LNPK: variants seen among roughly 807,000 people sequenced by gnomAD.
LNPK encodes endoplasmic reticulum junction formation protein lunapark.
A neutral mutation model predicts 55.2 loss-of-function variants in LNPK; 29 were observed. That is an observed-to-expected ratio of 0.53 (90% CI 0.39 to 0.72). The LOEUF is 0.72. Among genes scored for constraint, LNPK ranks in the 30% least tolerant of loss-of-function variants. The pLI, the probability that LNPK is intolerant of heterozygous loss-of-function variation, is 0.00. For synonymous variants in LNPK, 162 were observed against 168.2 expected, an observed-to-expected ratio of 0.96 and a Z score of 0.29; for missense variants, 467 against 494.8, an observed-to-expected ratio of 0.94 and a Z score of 0.53.
chr2:175,957,277 G>C (rs1270974993), intron 8 of LNPK, among the ~76,000 whole-genome samples: 1 of 151,886 alleles, frequency 6.6e-6, no homozygotes, highest in Non-Finnish European at 1.5e-5. Context: ...AGAATCACTT[G>C]AACCTTGGAG....
chr2:175,987,564 C>A (rs985786628), intron 4 of LNPK, among the ~76,000 whole-genome samples: 2 of 151,950 alleles, frequency 1.3e-5, no homozygotes, highest in Admixed American at 6.6e-5. Context: ...AGGAGATATA[C>A]CTAATGTTAA....
At chr2:175,991,971 T>C (rs536621387) in intron 4 of LNPK, among the ~76,000 whole-genome samples, 43 of 152,286 alleles carry the variant, frequency 2.8e-4, no homozygotes, top group Admixed American at 2.4e-3. Context: ...CATGGTCATC[T>C]ACTAGAAAAT....
At chr2:175,995,707 GTTGCAATA>G (rs1687900062) in intron 1 of LNPK, 61 bp from the exon 2 acceptor site, 2 of 574,596 alleles carry the variant, frequency 3.5e-6, no homozygotes, top group Non-Finnish European at 6.1e-6. Context: ...CACTATAGAT[GTTGCAATA>G]CTGCCTAAAA....
chr2:175,933,751 A>ATTTTGG (rs1684399898), intron 12 of LNPK, among the ~76,000 whole-genome samples: 1 of 20,264 alleles, frequency 4.9e-5, no homozygotes, highest in Non-Finnish European at 1.2e-4. Context: ...TTTTTTTTTG[A>ATTTTGG]GACAGAGTCT....
chr2:175,993,544 G>A (rs1687795286), intron 2 of LNPK, among the ~76,000 whole-genome samples: 1 of 152,138 alleles, frequency 6.6e-6, no homozygotes, highest in African/African-American at 2.4e-5. Context: ...GCCACGCACG[G>A]TGGCTCACGC....
chr2:175,940,734 A>G (rs927434270), intron 9 of LNPK, among the ~76,000 whole-genome samples: 1 of 152,206 alleles, frequency 6.6e-6, no homozygotes, highest in African/African-American at 2.4e-5. Flanking sequence ...ACAATATTAA[A>G]ACAATTCTTA....
intron 5 of LNPK, among the ~76,000 whole-genome samples, chr2:175,971,408 T>C (rs1686658193): frequency 6.6e-6 from 1 of 152,166 alleles, no homozygotes; most frequent in African/African-American, 2.4e-5. Context: ...AGGATATCTT[T>C]TATGAATGTC....
At chr2:175,957,601 C>T (rs538640459) in intron 8 of LNPK, among the ~76,000 whole-genome samples, 9 of 151,936 alleles carry the variant, frequency 5.9e-5, no homozygotes, top group Non-Finnish European at 1.2e-4. Flanking sequence ...CCAAGATGCC[C>T]GAATAGGAAC....
At chr2:175,988,785 T>A (rs370165273) in intron 4 of LNPK, among the ~76,000 whole-genome samples, 1 of 152,168 alleles carries the variant, frequency 6.6e-6, no homozygotes, top group African/African-American at 2.4e-5. Flanking sequence ...ATCTAAAAAT[T>A]CCTTTTGAGG....
At chr2:175,979,356 C>A (rs62187010) in intron 5 of LNPK, among the ~76,000 whole-genome samples, 2,554 of 152,058 alleles carry the variant, frequency 0.017, 30 homozygotes, top group Non-Finnish European at 0.029. Flanking sequence ...CTCAGGAGTT[C>A]GAGACCAGCC....
At chr2:175,999,619 T>C (rs896729569) in intron 1 of LNPK, among the ~76,000 whole-genome samples, 5 of 152,230 alleles carry the variant, frequency 3.3e-5, no homozygotes, top group Admixed American at 3.3e-4. Flanking sequence ...TCAATTTGCT[T>C]GCCCTGGATT....
intron 4 of LNPK, among the ~76,000 whole-genome samples, chr2:175,984,536 C>T (rs1040727060): frequency 1.3e-5 from 2 of 151,990 alleles, no homozygotes; most frequent in African/African-American, 4.8e-5. Flanking sequence ...AACTAATAAT[C>T]CAATTAGAAA....
chr2:175,930,072 C>T lies in LNPK; in HGVS notation c.1182G>A (p.Glu394=). ...TCACTGAGGCTTCCTCATTCTCAGT[C>T]TCTTGTTTCTCCTCTGGTTCCTCTG... The part of the protein sequence containing the change: ...SDSEEPEEKQ[E]TENEEASVIE... The change falls in exon 13 of 13, where the codon GAG becomes GAA. Residue 394 remains glutamate (E), a synonymous_variant. Coordinates refer to ENST00000272748, the MANE Select transcript of LNPK (RefSeq NM_030650.3). 6.2e-7 allele frequency: 1 copy of T among 1,614,102 alleles called. No homozygotes were observed. The highest frequency in any genetic ancestry group is 2.2e-5 in the East Asian group (1 of 44,876).
chr2:175,967,719 G>A, intron 6 of LNPK: 1 of 973,182 alleles, frequency 1.0e-6, no homozygotes, highest in Non-Finnish European at 1.2e-6. Context: ...TAATTCAGAT[G>A]TTATATCATT....
chr2:175,971,902 A>C (rs1414514190), intron 5 of LNPK, among the ~76,000 whole-genome samples: 3 of 152,170 alleles, frequency 2.0e-5, no homozygotes, highest in Non-Finnish European at 4.4e-5. Flanking sequence ...TTATGGGCCA[A>C]AAAGCAAAAT....
intron 9 of LNPK, chr2:175,941,195 G>A (rs1322390233): frequency 2.0e-5 from 6 of 302,574 alleles, no homozygotes; most frequent in Non-Finnish European, 3.9e-5. Flanking sequence ...AGGCTGCAGT[G>A]AGCCATGATC....
intron 8 of LNPK, among the ~76,000 whole-genome samples, chr2:175,950,738 C>T (rs1054539541): frequency 2.0e-5 from 3 of 151,950 alleles, no homozygotes; most frequent in Admixed American, 1.3e-4. Flanking sequence ...TCTCATAATG[C>T]GAATACTTAC....
intron 11 of LNPK, among the ~76,000 whole-genome samples, chr2:175,938,091 C>T (rs1574811224): frequency 6.6e-6 from 1 of 152,058 alleles, no homozygotes; most frequent in Admixed American, 6.6e-5. Context: ...GATTGTGATG[C>T]ACAGTGGGGT....
intron 8 of LNPK, among the ~76,000 whole-genome samples, chr2:175,958,226 G>A (rs1685797583): frequency 6.6e-6 from 1 of 152,246 alleles, no homozygotes; most frequent in Admixed American, 6.5e-5. Flanking sequence ...CCAGCATGGA[G>A]TTTGAGCTCT....
Sources: allele counts gnomAD v4.1 joint callset (sites outside exome capture counted in the v4.1 genomes callset), GRCh38; gene constraint gnomAD v4.1.1; transcripts MANE v1.5; gene names NCBI Gene and HGNC (gene_info 2026-07-23, HGNC 2026-07-21).